Variants in TMEM178B observed in about 807,000 individuals in gnomAD.
TMEM178B encodes transmembrane protein 178B.
In TMEM178B, 5 loss-of-function variants were observed where a neutral mutation model predicts 31.0. The observed-to-expected ratio is 0.16, with a 90% confidence interval of 0.08 to 0.34. The LOEUF (loss-of-function observed/expected upper bound fraction) is 0.34, where lower values mean the gene tolerates loss of function less well. Ranked by LOEUF, TMEM178B falls within the 10% of genes least tolerant of loss-of-function variation. The probability of loss-of-function intolerance (pLI) is 1.00; values close to 1 mark genes in which losing one functional copy is unlikely to be tolerated. For synonymous variants in TMEM178B, 164 were observed against 164.0 expected (o/e 1.00, Z 0.00); for missense variants, 275 against 400.3 (o/e 0.69, Z 2.67).
chr7:141,470,527 G>T lies in TMEM178B; in HGVS notation c.635-9G>T. On this transcript the variant is annotated splice_polypyrimidine_tract_variant and intron_variant, in intron 3 of 3. Transcript: ENST00000565468. ...TTCCCCATCCTGTGTCTTTTCCCTT[G>T]TCCTCCAGGAACCTTCTGCATCATT... 1 of 1,495,362 alleles carries T rather than the reference G, an allele frequency of 6.7e-7. No homozygotes were observed. The highest frequency in any genetic ancestry group is 1.3e-5 in the South Asian group (1 of 78,120). 92.6% of individuals were successfully genotyped at this position (1,495,362 alleles called of 1,614,324 possible). A position where few individuals can be genotyped will look rare whatever the true frequency, so the allele number is the denominator to read the frequency against.
chr7:141,397,647 C>G, intron 2 of TMEM178B, among the ~76,000 whole-genome samples: 1 of 152,202 alleles, frequency 6.6e-6, no homozygotes, highest in Non-Finnish European at 1.5e-5. Flanking sequence ...AGCTCTGTCA[C>G]TAGCTACCTA....
chr7:141,463,672 G>A (rs1277531062), intron 3 of TMEM178B, among the ~76,000 whole-genome samples: 1 of 152,212 alleles, frequency 6.6e-6, no homozygotes, highest in African/African-American at 2.4e-5. Context: ...TTTGAACTGA[G>A]ATCTGAGCAG....
At chr7:141,325,208 T>C (rs1314526805) in intron 2 of TMEM178B, among the ~76,000 whole-genome samples, 2 of 152,128 alleles carry the variant, frequency 1.3e-5, no homozygotes, top group Non-Finnish European at 2.9e-5. Flanking sequence ...TGTGCTGTAA[T>C]ATAAAGATGG....
rs1802442537 is a variant in TMEM178B, at chr7:141,479,858, A to G, written c.*9072A>G. On this transcript the variant is annotated 3_prime_UTR_variant, in exon 4 of 4. Coordinates refer to ENST00000565468, the MANE Select transcript of TMEM178B (RefSeq NM_001195278.2). ...GAGTGGTGTGTACTGCAGGATTCTA[A>G]CAATGCCTCTGCCCTTGGAGGCAGC... is the stretch of plus-strand genomic sequence containing the variant. 6.6e-6 allele frequency: 1 copy of G among 152,220 alleles called. No individual in the cohort carries two copies. Among genetic ancestry groups the G allele is most frequent in the African/African-American group, 2.4e-5 (1 of 41,456 alleles). 9.4% of individuals were successfully genotyped at this position (152,220 alleles called of 1,614,324 possible). A position where few individuals can be genotyped will look rare whatever the true frequency, so the allele number is the denominator to read the frequency against.
downstream of TMEM178B, among the ~76,000 whole-genome samples, chr7:141,485,340 C>G (rs2116751840): frequency 6.6e-6 from 1 of 152,272 alleles, no homozygotes; most frequent in East Asian, 1.9e-4. Flanking sequence ...GGAGTCAGAC[C>G]ACTTGAGCTC....
rs1361209597 is a variant in TMEM178B at position 141,074,280 on chromosome 7, C to T, written c.-31C>T. Reference sequence around the variant, plus strand: ...GAGGGAAGGCGAGGCTGCGGCGGATCATGCCCATGGTGTAGCCGCCAAGCG... The same window carrying T: ...GAGGGAAGGCGAGGCTGCGGCGGATTATGCCCATGGTGTAGCCGCCAAGCG... On this transcript the variant is annotated 5_prime_UTR_variant, in exon 1 of 4. Coordinates refer to ENST00000565468, the MANE Select transcript of TMEM178B (RefSeq NM_001195278.2). The surrounding 1 kb of genome is among the most constrained non-coding windows in gnomAD (Gnocchi z 5.1). 43 of 1,479,456 alleles carry T rather than the reference C, an allele frequency of 2.9e-5. No homozygotes were observed. Among genetic ancestry groups the T allele is most frequent in the Non-Finnish European group, 3.8e-5 (42 of 1,117,166 alleles). 91.6% of individuals were successfully genotyped at this position (1,479,456 alleles called of 1,614,324 possible).
intron 2 of TMEM178B, among the ~76,000 whole-genome samples, chr7:141,429,400 C>T (rs975646527): frequency 6.6e-6 from 1 of 152,150 alleles, no homozygotes; most frequent in African/African-American, 2.4e-5. Context: ...TTTGCAACAA[C>T]ATAGATGAAC....
intron 1 of TMEM178B, among the ~76,000 whole-genome samples, chr7:141,169,157 A>G (rs1796306713): frequency 6.6e-6 from 1 of 152,212 alleles, no homozygotes; most frequent in African/African-American, 2.4e-5. Context: ...TATTGAGCCT[A>G]GTACCCATTA....
At chr7:141,184,105 G>A (rs904121256) in intron 1 of TMEM178B, among the ~76,000 whole-genome samples, 41 of 152,356 alleles carry the variant, frequency 2.7e-4, no homozygotes, top group African/African-American at 9.6e-4. Flanking sequence ...AACAGCACAG[G>A]CTATCAGCCA....
intron 2 of TMEM178B, among the ~76,000 whole-genome samples, chr7:141,342,131 A>G (rs1390886511): frequency 6.6e-6 from 1 of 152,146 alleles, no homozygotes; most frequent in Non-Finnish European, 1.5e-5. Flanking sequence ...TATTTTTAGC[A>G]GAGACGGGCT....
At chr7:141,430,193 A>G (rs1287229625) in intron 2 of TMEM178B, 1 of 152,222 alleles carries the variant, frequency 6.6e-6, no homozygotes, top group East Asian at 1.9e-4. Flanking sequence ...CTCTCCAGGT[A>G]CCTGAAAAGC....
At chr7:141,081,539 G>A (rs555889777) in intron 1 of TMEM178B, among the ~76,000 whole-genome samples, 9 of 152,212 alleles carry the variant, frequency 5.9e-5, no homozygotes, top group African/African-American at 1.2e-4. Context: ...GGGAGGCTGA[G>A]GCAGGAGAAT....
chr7:141,074,741 A>G lies in TMEM178B; in HGVS notation c.382+49A>G. ...GCGCTGCGGAGAGCCCGGCGCCTTT[A>G]GGCCCCGCAGCCCCTCGCGTCTCCT... On this transcript the variant is annotated intron_variant, in intron 1 of 3. Coordinates refer to ENST00000565468, the MANE Select transcript of TMEM178B (RefSeq NM_001195278.2). The surrounding 1 kb of genome is among the most constrained non-coding windows in gnomAD (Gnocchi z 5.1). The G allele has an allele frequency of 6.9e-7, 1 of 1,439,220 alleles. No individual in the cohort carries two copies. The highest frequency in any genetic ancestry group is 9.1e-7 in the Non-Finnish European group (1 of 1,101,942). The allele number at this position is 1,439,220 out of a possible 1,614,324, so 89.2% of individuals were successfully genotyped here.
intron 2 of TMEM178B, among the ~76,000 whole-genome samples, chr7:141,291,051 T>C (rs1798537675): frequency 2.0e-5 from 3 of 152,190 alleles, no homozygotes; most frequent in African/African-American, 7.2e-5. Flanking sequence ...GGTAAAATTG[T>C]CAGCAGGACA....
At chr7:141,480,857 G>A (rs995115583), downstream of TMEM178B, among the ~76,000 whole-genome samples, 8 of 152,222 alleles carry the variant, frequency 5.3e-5, no homozygotes, top group Non-Finnish European at 1.0e-4. Flanking sequence ...TCACACCTGG[G>A]TGGGAGGCTA....
intron 1 of TMEM178B, among the ~76,000 whole-genome samples, chr7:141,210,580 G>A (rs1417021255): frequency 6.6e-6 from 1 of 152,180 alleles, no homozygotes; most frequent in Non-Finnish European, 1.5e-5. Context: ...TTTCCCACTG[G>A]TGGAATAAGT....
intron 1 of TMEM178B, among the ~76,000 whole-genome samples, chr7:141,084,778 A>G (rs1241905987): frequency 6.6e-6 from 1 of 152,212 alleles, no homozygotes; most frequent in African/African-American, 2.4e-5. Context: ...AAATCATATC[A>G]TATCAGAGAT....
At chr7:141,304,942 C>G (rs927434419) in intron 2 of TMEM178B, among the ~76,000 whole-genome samples, 1 of 152,144 alleles carries the variant, frequency 6.6e-6, no homozygotes, top group Admixed American at 6.5e-5. Context: ...CTTTTCACAC[C>G]GCTTGCATCT....
intron 2 of TMEM178B, among the ~76,000 whole-genome samples, chr7:141,419,654 A>T (rs933934760): frequency 6.6e-6 from 1 of 152,206 alleles, no homozygotes. Context: ...ATGAAATCCA[A>T]GCTCTAAGCA....
Sources: allele counts gnomAD v4.1 joint callset (sites outside exome capture counted in the v4.1 genomes callset), GRCh38; gene constraint gnomAD v4.1.1; non-coding constraint Gnocchi (gnomAD v3.1); transcripts MANE v1.5; gene names NCBI Gene and HGNC (gene_info 2026-07-23, HGNC 2026-07-21).